Variants in PRDM5 observed in about 807,000 individuals in gnomAD.
The protein encoded by PRDM5 is PR/SET domain 5.
A neutral mutation model predicts 81.2 loss-of-function variants in PRDM5; 56 were observed. The observed-to-expected ratio is 0.69, with a 90% CI of 0.56 to 0.86. The LOEUF is 0.86. Among genes scored for constraint, PRDM5 ranks in the 40% least tolerant of loss-of-function variants. PRDM5 has a pLI of 0.00. For synonymous variants in PRDM5, 267 were observed against 256.4 expected, an observed-to-expected ratio of 1.04 and a Z score of -0.39; for missense variants, 697 against 770.1, an observed-to-expected ratio of 0.91 and a Z score of 1.12.
At chr4:120,766,687 T>G (rs571147995) in intron 13 of PRDM5, among the ~76,000 whole-genome samples, 2 of 152,360 alleles carry the variant, frequency 1.3e-5, no homozygotes, top group East Asian at 3.9e-4. Context: ...GGAAAAAGTT[T>G]AAGCCTCGGT....
At chr4:120,859,314 A>C (rs1760291101) in intron 2 of PRDM5, among the ~76,000 whole-genome samples, 1 of 152,022 alleles carries the variant, frequency 6.6e-6, no homozygotes, top group Admixed American at 6.6e-5. Context: ...GGGCTCAAAA[A>C]ATGATTCTCC....
intron 13 of PRDM5, among the ~76,000 whole-genome samples, chr4:120,770,436 C>T (rs1747101278): frequency 6.7e-6 from 1 of 150,276 alleles, no homozygotes; most frequent in Non-Finnish European, 1.5e-5. Context: ...TAACATTTCA[C>T]CAAATTTGCT....
In PRDM5 at chr4:120,816,916, T is replaced by C; in HGVS notation, c.659A>G (p.Gln220Arg). The change falls in exon 6 of 16, where the codon CAG becomes CGG. Residue 220 changes from glutamine (Q) to arginine (R), a missense_variant. Coordinates refer to ENST00000264808, the MANE Select transcript of PRDM5 (RefSeq NM_018699.4). Reference protein sequence around the residue: ...VKQALQRHVLQCTAKSSLKES... With the variant: ...VKQALQRHVLRCTAKSSLKES... ...CTTTAGACTGCTTTTCGCTGTGCAC[T>C]GAAGAACACTAAAGGGAAATAGGAA... is the stretch of plus-strand genomic sequence containing the variant. 6.2e-7 allele frequency: 1 copy of C among 1,611,176 alleles called. No individual in the cohort carries two copies. Among genetic ancestry groups the C allele is most frequent in the East Asian group, 2.2e-5 (1 of 44,870 alleles).
At chr4:120,789,100 C>A (rs769442098) in intron 10 of PRDM5, among the ~76,000 whole-genome samples, 61 of 152,036 alleles carry the variant, frequency 4.0e-4, no homozygotes, top group Non-Finnish European at 8.5e-4. Context: ...GTAGAACATC[C>A]CATTTGTATG....
intron 14 of PRDM5, among the ~76,000 whole-genome samples, chr4:120,750,963 A>T (rs2149142005): frequency 6.6e-6 from 1 of 152,174 alleles, no homozygotes; most frequent in Non-Finnish European, 1.5e-5. Flanking sequence ...TACAGAAACT[A>T]TTTATTTTCT....
rs562381040 is a variant in PRDM5 at position 120,910,671 on chromosome 4, T to C, written c.94-3114A>G. 2.0e-5 allele frequency among the ~76,000 whole-genome samples: 3 copies of C among 152,320 alleles called. No individual in the cohort carries two copies. In the South Asian group the frequency reaches 6.2e-4, roughly 32 times the overall value. On this transcript the variant is annotated intron_variant, in intron 1 of 15. Transcript: ENST00000264808. Reference sequence around the variant, plus strand: ...ACATATATAATTCTTTTTCTTTTAGTGGAATTATATGAAATTGCCAATATT... The same window carrying C: ...ACATATATAATTCTTTTTCTTTTAGCGGAATTATATGAAATTGCCAATATT...
At chr4:120,908,298 A>G (rs1223258255) in intron 1 of PRDM5, among the ~76,000 whole-genome samples, 1 of 152,222 alleles carries the variant, frequency 6.6e-6, no homozygotes, top group African/African-American at 2.4e-5. Flanking sequence ...AGTGGGAATG[A>G]GTTGAATTTG....
chr4:120,762,273 T>C (rs1745732552), intron 13 of PRDM5: 1 of 152,208 alleles, frequency 6.6e-6, no homozygotes, highest in South Asian at 2.1e-4. Flanking sequence ...TTTGGAAGCA[T>C]AGCTTTACTT....
intron 3 of PRDM5, among the ~76,000 whole-genome samples, chr4:120,845,917 C>T (rs1028556722): frequency 9.9e-5 from 15 of 152,182 alleles, no homozygotes; most frequent in Admixed American, 7.9e-4. Context: ...TCATGGATGA[C>T]TTTGAGGTGT....
At chr4:120,900,809 G>T (rs541110873) in intron 2 of PRDM5, among the ~76,000 whole-genome samples, 2 of 152,108 alleles carry the variant, frequency 1.3e-5, no homozygotes, top group African/African-American at 4.8e-5. Flanking sequence ...GTGGAGTTTT[G>T]GGGGGTATTT....
Position 120,754,580 on chromosome 4 carries a change from C to T in PRDM5, c.1596G>A (p.Leu532=). 1 of 1,595,308 alleles carries T rather than the reference C, an allele frequency of 6.3e-7. No homozygotes were observed. The highest frequency in any genetic ancestry group is 8.6e-7 in the Non-Finnish European group (1 of 1,163,034). ...CEKGFSKNDG[L]KMHIRTHTRE... The stretch of plus-strand genomic sequence containing the variant: ...TGGTGTGAGTACGAATGTGCATCTT[C>T]AGTCCATCATTTTTACTGAATCCTT... The change falls in exon 14 of 16, where the codon CTG becomes CTA. Residue 532 remains leucine (L), a synonymous_variant. Coordinates refer to ENST00000264808, the MANE Select transcript of PRDM5 (RefSeq NM_018699.4).
At chr4:120,903,549 T>C (rs1765435328) in intron 2 of PRDM5, among the ~76,000 whole-genome samples, 1 of 152,182 alleles carries the variant, frequency 6.6e-6, no homozygotes, top group Non-Finnish European at 1.5e-5. Flanking sequence ...CTAGAAGACC[T>C]ACCACAGAAT....
chr4:120,899,484 G>C (rs1027362136), intron 2 of PRDM5, among the ~76,000 whole-genome samples: 9 of 152,190 alleles, frequency 5.9e-5, no homozygotes, highest in African/African-American at 2.2e-4. Flanking sequence ...TGGGCTCCTA[G>C]TCACCAATCC....
intron 14 of PRDM5, among the ~76,000 whole-genome samples, chr4:120,720,491 T>C (rs1213195063): frequency 6.6e-6 from 1 of 152,176 alleles, no homozygotes; most frequent in Admixed American, 6.5e-5. Context: ...TGTGGCCCCA[T>C]GGGTTTCTAT....
intron 3 of PRDM5, chr4:120,839,265 A>G: frequency 2.8e-6 from 2 of 703,082 alleles, no homozygotes; most frequent in Non-Finnish European, 5.2e-6. Context: ...GCGGGTCCCA[A>G]ATTCTTGTCC....
intron 14 of PRDM5, among the ~76,000 whole-genome samples, chr4:120,736,263 A>C (rs1168230866): frequency 1.3e-5 from 2 of 149,832 alleles, no homozygotes; most frequent in East Asian, 3.9e-4. Flanking sequence ...TTATCCAATC[A>C]TCTGTTGATG....
intron 2 of PRDM5, among the ~76,000 whole-genome samples, chr4:120,864,790 A>AC (rs1460950181): frequency 6.6e-6 from 1 of 152,236 alleles, no homozygotes; most frequent in African/African-American, 2.4e-5. Flanking sequence ...TCAGAATCTG[A>AC]CTAAAGCTCT....
At chr4:120,882,954 A>T (rs949729424) in intron 2 of PRDM5, among the ~76,000 whole-genome samples, 1 of 152,232 alleles carries the variant, frequency 6.6e-6, no homozygotes, top group African/African-American at 2.4e-5. Context: ...ACATTGCCTC[A>T]GTTTTTAAAA....
intron 1 of PRDM5, among the ~76,000 whole-genome samples, chr4:120,911,447 T>A (rs1278684530): frequency 6.6e-6 from 1 of 152,232 alleles, no homozygotes; most frequent in Non-Finnish European, 1.5e-5. Flanking sequence ...GGAGCATCTT[T>A]GTTTTTATTC....
Sources: gnomAD v4.1 joint callset for allele counts (sites outside exome capture counted in the v4.1 genomes callset) on GRCh38, gnomAD v4.1.1 for gene constraint, MANE v1.5 for transcripts, NCBI Gene and HGNC (gene_info 2026-07-23, HGNC 2026-07-21) for gene names.